ZSWIM9: variants seen among roughly 807,000 people sequenced by gnomAD.
ZSWIM9 encodes the protein zinc finger SWIM-type containing 9.
A neutral mutation model predicts 25.0 loss-of-function variants in ZSWIM9; 11 were observed. The ratio of observed to expected loss-of-function variants is 0.44; its 90% CI spans 0.28 to 0.73. The LOEUF (loss-of-function observed/expected upper bound fraction) is 0.73, where lower values mean the gene tolerates loss of function less well. Among genes scored for constraint, ZSWIM9 ranks in the 30% least tolerant of loss-of-function variants. The pLI is 0.16. For synonymous variants in ZSWIM9, 562 were observed against 582.1 expected (o/e 0.97, Z 0.50); for missense variants, 1,070 against 1,296.5 (o/e 0.83, Z 2.68).
At chr19:48,186,248 C>CT (rs549139793) in intron 3 of ZSWIM9, among the ~76,000 whole-genome samples, 1 of 146,454 alleles carries the variant, frequency 6.8e-6, no homozygotes, top group African/African-American at 2.7e-5. Context: ...TGCCCCGCCA[C>CT]CCCCCACCCC....
chr19:48,180,962 T>G (rs2036942668), intron 2 of ZSWIM9: 1 of 150,692 alleles, frequency 6.6e-6, no homozygotes, highest in South Asian at 2.1e-4. Context: ...TATATATATT[T>G]TTTTAGTAGA....
Position 48,195,857 on chromosome 19 carries a change from C to G in ZSWIM9, c.1793C>G (p.Ala598Gly). ...RGLEGYTWRV[A>G]QLEDRRSTTD... ...TTGGAAGGGTATACCTGGAGGGTGGCCCAGCTGGAAGATCGCAGGAGTACC... is the reference window on the plus strand; with the variant it reads ...TTGGAAGGGTATACCTGGAGGGTGGGCCAGCTGGAAGATCGCAGGAGTACC... Residue 598 changes from alanine (A) to glycine (G), a missense_variant, in exon 4 of 4, where the codon GCC becomes GGC. Physicochemically the swap from Ala to Gly is moderately conservative, Grantham distance 60. Transcript: ENST00000614654. The surrounding 1 kb of genome is among the most constrained non-coding windows in gnomAD (Gnocchi z 5.8). 7.0e-7 allele frequency: 1 copy of G among 1,423,360 alleles called. No homozygotes were observed. Among genetic ancestry groups the G allele is most frequent in the East Asian group, 2.8e-5 (1 of 36,030 alleles). 88.2% of individuals were successfully genotyped at this position (1,423,360 alleles called of 1,614,324 possible).
In ZSWIM9 at chr19:48,195,557, G is replaced by A. The variant is rs1243873104; in HGVS notation, c.1493G>A (p.Arg498Lys). ...RGAQMEKEWA[R>K]ALETRDWGGA... ...GCCCAGATGGAGAAGGAGTGGGCAA[G>A]GGCACTGGAAACCAGAGACTGGGGC... Residue 498 changes from arginine to lysine, a missense_variant, in exon 4 of 4, where the codon AGG (arginine) becomes AAG (lysine). By Grantham distance (26) the Arg-to-Lys change is conservative (BLOSUM62 2). Coordinates refer to ENST00000614654, the MANE Select transcript of ZSWIM9 (RefSeq NM_199341.4). This position sits in a 1 kb window ranked among gnomAD's most constrained non-coding sequence, Gnocchi z 5.8. 1 of 1,417,640 alleles carries A rather than the reference G, an allele frequency of 7.1e-7. No individual in the cohort carries two copies. Among genetic ancestry groups the A allele is most frequent in the South Asian group, 1.5e-5 (1 of 65,556 alleles). The allele number at this position is 1,417,640 out of a possible 1,614,324, so 87.8% of individuals were successfully genotyped here. A position where few individuals can be genotyped will look rare whatever the true frequency, so the allele number is the denominator to read the frequency against.
intron 1 of ZSWIM9, among the ~76,000 whole-genome samples, chr19:48,170,927 T>C (rs1322967835): frequency 6.6e-6 from 1 of 150,760 alleles, no homozygotes; most frequent in Non-Finnish European, 1.5e-5. Context: ...CGAGGGGCCA[T>C]GTCTAGAACG....
At chr19:48,187,472 A>ATATATAC in intron 3 of ZSWIM9, among the ~76,000 whole-genome samples, 1 of 83,420 alleles carries the variant, frequency 1.2e-5, no homozygotes, top group African/African-American at 5.6e-5. Context: ...TATATATATT[A>ATATATAC]TATATATTAT....
Position 48,185,296 on chromosome 19 carries a change from T to TGCCTG in ZSWIM9, c.588+2531_588+2532insCTGGC, listed in dbSNP as rs566491387. Among the ~76,000 whole-genome samples the TGCCTG allele has an allele frequency of 5.8e-3, 888 of 152,138 alleles. 10 individuals are homozygous for TGCCTG. Among genetic ancestry groups the TGCCTG allele is most frequent in the African/African-American group, 0.02 (843 of 41,528 alleles). On this transcript the variant is annotated intron_variant, in intron 3 of 3. Coordinates refer to ENST00000614654, the MANE Select transcript of ZSWIM9 (RefSeq NM_199341.4). ...CTGGGATTACAGGCATGCGCCACCA[T>TGCCTG]GCTAATTTTTGTGTTTTTAGAAGAG...
chr19:48,196,599 TA>T lies in ZSWIM9; in HGVS notation c.2536del (p.Arg846GlyfsTer30). On this transcript the variant is annotated frameshift_variant, in exon 4 of 4. Coordinates refer to ENST00000614654, the MANE Select transcript of ZSWIM9 (RefSeq NM_199341.4). LOFTEE classifies it high-confidence loss of function. ...DLVAEELAFA[R>X]QHGTRGFHWT... is the part of the protein sequence containing the mutation. ...TGGTGGCTGAGGAGTTGGCCTTTGC[TA>T]GGCAGCATGGGACCCGGGGTTTCCA... The T allele has an allele frequency of 8.1e-7, 1 of 1,232,514 alleles. No homozygotes were observed. Among genetic ancestry groups the T allele is most frequent in the Non-Finnish European group, 1.0e-6 (1 of 988,268 alleles). 76.3% of individuals were successfully genotyped at this position (1,232,514 alleles called of 1,614,324 possible).
chr19:48,187,433 ATTATAT>A (rs1568579361), intron 3 of ZSWIM9, among the ~76,000 whole-genome samples: 1 of 101,068 alleles, frequency 9.9e-6, no homozygotes, highest in Non-Finnish European at 1.9e-5. Context: ...ATTATATTAT[ATTATAT>A]ATATTATATA....
rs200966590 is a variant in ZSWIM9, at chr19:48,183,830, GC to G, written c.588+1064del. ...TTTTTAGTTTTTGTAGAGATGTTTG[GC>G]GGGGGGGGGTCTCCCTATGTTGCCC... On this transcript the variant is annotated intron_variant, in intron 3 of 3. Transcript: ENST00000614654. Among the ~76,000 whole-genome samples the G allele has an allele frequency of 9.5e-3, 1,384 of 145,368 alleles. 20 individuals carry two copies. Among genetic ancestry groups the G allele is most frequent in the Non-Finnish European group, 0.012 (788 of 65,684 alleles).
intron 2 of ZSWIM9, among the ~76,000 whole-genome samples, chr19:48,172,868 C>T (rs1160742833): frequency 6.9e-6 from 1 of 145,928 alleles, no homozygotes; most frequent in Non-Finnish European, 1.5e-5. Context: ...AACACACACA[C>T]CCCAAGAGGA....
intron 3 of ZSWIM9, chr19:48,183,056 T>C (rs1465526910): frequency 4.7e-6 from 2 of 426,458 alleles, no homozygotes; most frequent in East Asian, 4.5e-5. Context: ...CACAAGTGGC[T>C]ACTGAGCACT....
chr19:48,180,754 C>CT (rs71297705), intron 2 of ZSWIM9: 3,697 of 134,442 alleles, frequency 0.027, 130 homozygotes, highest in African/African-American at 0.082. Context: ...TTTCTTTTTT[C>CT]TTTTTTTTTT....
Position 48,194,952 on chromosome 19 carries a change from C to T in ZSWIM9, c.888C>T (p.Pro296=). ...GCGTGCGCTGCCTCACCGCCGGGCCCGAGGTGGCGGCGCAGTTGCCTGCAG... is the reference window on the plus strand; with the variant it reads ...GCGTGCGCTGCCTCACCGCCGGGCCTGAGGTGGCGGCGCAGTTGCCTGCAG... ...KGRVRCLTAG[P]EVAAQLPAVR... is the part of the protein sequence containing the mutation. Residue 296 remains proline (P), a synonymous_variant, in exon 4 of 4, where the codon CCC becomes CCT. Coordinates refer to ENST00000614654, the MANE Select transcript of ZSWIM9 (RefSeq NM_199341.4). This position sits in a 1 kb window ranked among gnomAD's most constrained non-coding sequence, Gnocchi z 6.0. The T allele has an allele frequency of 1.5e-6, 2 of 1,325,822 alleles. No homozygotes were observed. The highest frequency in any genetic ancestry group is 1.6e-5 in the African/African-American group (1 of 62,956). The allele number at this position is 1,325,822 out of a possible 1,614,324, so 82.1% of individuals were successfully genotyped here. A position where few individuals can be genotyped will look rare whatever the true frequency, so the allele number is the denominator to read the frequency against.
intron 2 of ZSWIM9, among the ~76,000 whole-genome samples, chr19:48,178,796 G>A (rs555679332): frequency 6.6e-6 from 1 of 152,138 alleles, no homozygotes; most frequent in South Asian, 2.1e-4. Flanking sequence ...GACTGGTCTC[G>A]AACTCTTGAC....
Position 48,194,686 on chromosome 19 carries a change from G to T in ZSWIM9, c.622G>T (p.Val208Leu). ...GGTGTTCGTGGAGGACCAGGCTGTG[G>T]TGGAGACGGTGTTCTTCCTGACGTC... ...KLVFVEDQAVVETVFFLTSRT... is the reference protein window; with the variant it reads ...KLVFVEDQAVLETVFFLTSRT... Residue 208 changes from valine (V) to leucine (L), a missense_variant, in exon 4 of 4, where the codon GTG becomes TTG. Val to Leu is a conservative substitution (Grantham distance 32). Around this residue, in one of 4 missense-constraint regions of ZSWIM9, gnomAD observed 265 missense variants for 339.0 expected, o/e 0.78. Transcript: ENST00000614654. The surrounding 1 kb of genome is among the most constrained non-coding windows in gnomAD (Gnocchi z 6.0). The T allele has an allele frequency of 2.6e-6, 4 of 1,521,512 alleles. No homozygotes were observed. Among genetic ancestry groups the T allele is most frequent in the Non-Finnish European group, 3.5e-6 (4 of 1,138,996 alleles). 94.3% of individuals were successfully genotyped at this position (1,521,512 alleles called of 1,614,324 possible). A position where few individuals can be genotyped will look rare whatever the true frequency, so the allele number is the denominator to read the frequency against.
At position 48,182,879 on chromosome 19, in the gene ZSWIM9, C is replaced by CT; in HGVS notation, c.588+112_588+113insT. The CT allele has an allele frequency of 1.3e-6, 1 of 784,350 alleles. No homozygotes were observed. Among genetic ancestry groups the CT allele is most frequent in the Non-Finnish European group, 2.0e-6 (1 of 502,902 alleles). 48.6% of individuals were successfully genotyped at this position (784,350 alleles called of 1,614,324 possible). On this transcript the variant is annotated intron_variant, in intron 3 of 3. Transcript: ENST00000614654. This position sits in a 1 kb window ranked among gnomAD's most constrained non-coding sequence, Gnocchi z 4.6. ...CTCTCATCCCTTCACTCCTTTCCTCCATTCATCCGTTCATTCATTCAATAA... is the reference window on the plus strand; with the variant it reads ...CTCTCATCCCTTCACTCCTTTCCTCCTATTCATCCGTTCATTCATTCAATAA...
chr19:48,182,699 C>G lies in ZSWIM9; in HGVS notation c.520C>G (p.Arg174Gly), dbSNP rs955078277. The change falls in exon 3 of 4, where the codon CGC (arginine) becomes GGC (glycine). Residue 174 changes from arginine to glycine, a missense_variant. By Grantham distance (125) the Arg-to-Gly change is moderately radical. Around this residue, in one of 4 missense-constraint regions of ZSWIM9, gnomAD observed 265 missense variants for 339.0 expected, o/e 0.78. Coordinates refer to ENST00000614654, the MANE Select transcript of ZSWIM9 (RefSeq NM_199341.4). The surrounding 1 kb of genome is among the most constrained non-coding windows in gnomAD (Gnocchi z 4.6). ...VRRLLSYCKG[R>G]DHGVLDALHV... The stretch of plus-strand genomic sequence containing the variant: ...CCGCCTGCTGTCCTACTGCAAGGGC[C>G]GCGACCACGGCGTCCTGGACGCCCT... 7.2e-6 allele frequency: 11 copies of G among 1,535,552 alleles called. No homozygotes were observed. In the South Asian group the frequency reaches 1.2e-4, roughly 17 times the overall value.
chr19:48,196,232 C>T lies in ZSWIM9; in HGVS notation c.2168C>T (p.Thr723Met). The T allele has an allele frequency of 8.1e-7, 1 of 1,232,670 alleles. No homozygotes were observed. 76.4% of individuals were successfully genotyped at this position (1,232,670 alleles called of 1,614,324 possible). A position where few individuals can be genotyped will look rare whatever the true frequency, so the allele number is the denominator to read the frequency against. Reference protein sequence around the residue: ...EDIVLVQLGDTRVTGMENGDG... With the variant: ...EDIVLVQLGDMRVTGMENGDG... Reference sequence around the variant, plus strand: ...ATAGTTCTGGTCCAGCTGGGAGACACGAGGGTCACAGGCATGGAGAATGGA... The same window carrying T: ...ATAGTTCTGGTCCAGCTGGGAGACATGAGGGTCACAGGCATGGAGAATGGA... The change falls in exon 4 of 4, where the codon ACG becomes ATG. Residue 723 changes from threonine (T) to methionine (M), a missense_variant. Coordinates refer to ENST00000614654, the MANE Select transcript of ZSWIM9 (RefSeq NM_199341.4).
chr19:48,195,098 G>A lies in ZSWIM9; in HGVS notation c.1034G>A (p.Arg345His). The A allele has an allele frequency of 6.9e-7, 1 of 1,452,002 alleles. No individual in the cohort carries two copies. Among genetic ancestry groups the A allele is most frequent in the Non-Finnish European group, 9.0e-7 (1 of 1,107,836 alleles). 89.9% of individuals were successfully genotyped at this position (1,452,002 alleles called of 1,614,324 possible). The change falls in exon 4 of 4, where the codon CGC becomes CAC. Residue 345 changes from arginine to histidine, a missense_variant. Arg to His is a conservative substitution (Grantham distance 29). This residue lies in a region of ZSWIM9 where 184 missense variants were observed against 243.1 expected (regional missense o/e 0.76). Coordinates refer to ENST00000614654, the MANE Select transcript of ZSWIM9 (RefSeq NM_199341.4). The surrounding 1 kb of genome is among the most constrained non-coding windows in gnomAD (Gnocchi z 5.8). ...CGCGAGGACCCGGGCCTGTGGTCGCGCCTGTGCCGCCTGGCTGGCGCGTCG... is the reference window on the plus strand; with the variant it reads ...CGCGAGGACCCGGGCCTGTGGTCGCACCTGTGCCGCCTGGCTGGCGCGTCG... Reference protein sequence around the residue: ...AGREDPGLWSRLCRLAGASSP... With the variant: ...AGREDPGLWSHLCRLAGASSP...
Sources: allele counts gnomAD v4.1 joint callset (sites outside exome capture counted in the v4.1 genomes callset), GRCh38; gene constraint gnomAD v4.1.1; regional missense constraint gnomAD v4.1.1; non-coding constraint Gnocchi (gnomAD v3.1); transcripts MANE v1.5; gene names NCBI Gene and HGNC (gene_info 2026-07-23, HGNC 2026-07-21).